The following PLG variants were observed in gnomAD, a reference collection of about 807,000 sequenced individuals.
PLG encodes plasminogen, also known as plasmin.
Under a neutral mutation model 104.4 loss-of-function variants are expected in PLG, and 41 were observed. The observed-to-expected ratio is 0.39, with a 90% CI of 0.31 to 0.51. PLG has a LOEUF of 0.51. Among genes scored for constraint, PLG ranks in the 20% least tolerant of loss-of-function variants. The pLI is 0.76. For synonymous variants in PLG, 337 were observed against 357.1 expected, an observed-to-expected ratio of 0.94 and a Z score of 0.63; for missense variants, 891 against 1,003.6, an observed-to-expected ratio of 0.89 and a Z score of 1.52.
chr6:160,721,022 T>C (rs992398721), intron 9 of PLG, among the ~76,000 whole-genome samples: 12 of 152,200 alleles, frequency 7.9e-5, no homozygotes, highest in Admixed American at 6.5e-4. Flanking sequence ...AGAGAATTCT[T>C]CATCTCTGAT....
At chr6:160,713,333 CA>C in intron 5 of PLG, 1 of 525,054 alleles carries the variant, frequency 1.9e-6, no homozygotes, top group Non-Finnish European at 3.5e-6. Flanking sequence ...TGCAACCGTG[CA>C]ATCTCGGCTC....
rs1028027373 is a variant in PLG, at chr6:160,737,703, G to A, written c.1802+696G>A. On this transcript the variant is annotated intron_variant, in intron 14 of 18. Coordinates refer to ENST00000308192, the MANE Select transcript of PLG (RefSeq NM_000301.5). The surrounding 1 kb of genome is among the most constrained non-coding windows in gnomAD (Gnocchi z 4.7). ...CCTCATCTCACTTCTACACGAGGGT[G>A]CCTGTGCTCAATTGCTGTTTTCCCC... 3.3e-5 allele frequency among the ~76,000 whole-genome samples: 5 copies of A among 152,264 alleles called. No individual in the cohort carries two copies. The highest frequency in any genetic ancestry group is 7.2e-5 in the African/African-American group (3 of 41,552).
At chr6:160,705,328 C>A (rs1414870155) in intron 1 of PLG, 1 of 150,014 alleles carries the variant, frequency 6.7e-6, no homozygotes, top group African/African-American at 2.5e-5. Context: ...AGCTGAGGCC[C>A]CCTTGGCCAC....
intron 9 of PLG, among the ~76,000 whole-genome samples, chr6:160,721,247 T>C (rs1777822779): frequency 6.6e-6 from 1 of 152,232 alleles, no homozygotes; most frequent in South Asian, 2.1e-4. Context: ...ACAGTGGCTT[T>C]TTGTTCCCCC....
rs148833378 is a variant in PLG, at chr6:160,726,885, A to G, written c.1257-4166A>G. 4.3e-4 allele frequency among the ~76,000 whole-genome samples: 66 copies of G among 152,154 alleles called. No homozygotes were observed. Among genetic ancestry groups the G allele is most frequent in the African/African-American group, 1.4e-3 (58 of 41,578 alleles). On this transcript the variant is annotated intron_variant, in intron 10 of 18. Transcript: ENST00000308192. This position sits in a 1 kb window ranked among gnomAD's most constrained non-coding sequence, Gnocchi z 4.4. ...ATAACTTAAACATCTAGAAAAGGAG[A>G]AGCAAATAAGATCCAAGGTAAGTGG...
At position 160,731,792 on chromosome 6, in the gene PLG, A is replaced by T; in HGVS notation, c.1486A>T (p.Thr496Ser). Reference sequence around the variant, plus strand: ...AGGATACCGAGGCAAGAGGGCGACCACTGTTACTGGGACGCCATGCCAGGA... The same window carrying T: ...AGGATACCGAGGCAAGAGGGCGACCTCTGTTACTGGGACGCCATGCCAGGA... ...GKGYRGKRAT[T>S]VTGTPCQDWA... The change falls in exon 12 of 19, where the codon ACT becomes TCT. Residue 496 changes from threonine to serine, a missense_variant. Thr to Ser is a moderately conservative substitution (Grantham distance 58, BLOSUM62 1). Around this residue, in one of 2 missense-constraint regions of PLG, gnomAD observed 854 missense variants for 932.1 expected, o/e 0.92. Transcript: ENST00000308192. This position sits in a 1 kb window ranked among gnomAD's most constrained non-coding sequence, Gnocchi z 5.1. The T allele has an allele frequency of 6.2e-7, 1 of 1,613,648 alleles. No individual in the cohort carries two copies. Among genetic ancestry groups the T allele is most frequent in the Non-Finnish European group, 8.5e-7 (1 of 1,179,542 alleles).
intron 17 of PLG, among the ~76,000 whole-genome samples, chr6:160,748,117 C>A (rs1163091764): frequency 6.6e-6 from 1 of 151,026 alleles, no homozygotes; most frequent in South Asian, 2.1e-4. Flanking sequence ...CGAGCCTGAC[C>A]AACACGGTGA....
At chr6:160,711,347 C>T in intron 4 of PLG, 156 bp downstream of exon 4, 1 of 740,314 alleles carries the variant, frequency 1.4e-6, no homozygotes, top group African/African-American at 1.8e-5. Flanking sequence ...ACCTACATAC[C>T]TTCTCTTGTA....
At position 160,716,810 on chromosome 6, in the gene PLG, T is replaced by C. The variant is rs768431397; in HGVS notation, c.787+47T>C. On this transcript the variant is annotated intron_variant, in intron 7 of 18. Transcript: ENST00000308192. The stretch of plus-strand genomic sequence containing the variant: ...ATTCCAGGATTTGGACCTGCCCTGT[T>C]CTTGAAATCAAAAGAAAACATGTGT... 2.2e-5 allele frequency: 25 copies of C among 1,136,960 alleles called. No homozygotes were observed. The African/African-American group carries it at 3.8e-4, about 17-fold the overall frequency. 70.4% of individuals were successfully genotyped at this position (1,136,960 alleles called of 1,614,324 possible).
chr6:160,709,180 A>AT (rs374731228), intron 3 of PLG, among the ~76,000 whole-genome samples: 1 of 152,106 alleles, frequency 6.6e-6, no homozygotes, highest in Non-Finnish European at 1.5e-5. Flanking sequence ...CAAAAAAAAA[A>AT]GAAGTGAAAA....
chr6:160,745,328 C>G (rs1778260575), intron 17 of PLG, among the ~76,000 whole-genome samples: 1 of 152,122 alleles, frequency 6.6e-6, no homozygotes, highest in Non-Finnish European at 1.5e-5. Context: ...AAGCTGGGTG[C>G]TCTTGTGTTG....
chr6:160,746,815 G>A (rs541317922), intron 17 of PLG, among the ~76,000 whole-genome samples: 1 of 152,270 alleles, frequency 6.6e-6, no homozygotes, highest in East Asian at 1.9e-4. Flanking sequence ...TTTATTTGTA[G>A]TTGATTTCTT....
rs891284898 is a variant in PLG, at chr6:160,740,474, C to T, written c.2019-837C>T. 3.9e-5 allele frequency among the ~76,000 whole-genome samples: 6 copies of T among 152,158 alleles called. No individual in the cohort carries two copies. Among genetic ancestry groups the T allele is most frequent in the Non-Finnish European group, 1.5e-5 (1 of 68,024 alleles). On this transcript the variant is annotated intron_variant, in intron 16 of 18. Transcript: ENST00000308192. The surrounding 1 kb of genome is among the most constrained non-coding windows in gnomAD (Gnocchi z 5.2). Reference sequence around the variant, plus strand: ...TTAGAGTTCCCACCCCACATCCCCACACCCCGAGTCTAGGGCATTTAGTGC... The same window carrying T: ...TTAGAGTTCCCACCCCACATCCCCATACCCCGAGTCTAGGGCATTTAGTGC...
At position 160,711,818 on chromosome 6, in the gene PLG, G is replaced by A. The variant is rs534167106; in HGVS notation, c.407+627G>A. On this transcript the variant is annotated intron_variant, in intron 4 of 18. Coordinates refer to ENST00000308192, the MANE Select transcript of PLG (RefSeq NM_000301.5). Reference sequence around the variant, plus strand: ...TATCAGGTTAGAACTCTCATCACATGTTCGACTCAAATTGTGGAGCAAAAG... The same window carrying A: ...TATCAGGTTAGAACTCTCATCACATATTCGACTCAAATTGTGGAGCAAAAG... 6 of 1,491,954 alleles carry A rather than the reference G, an allele frequency of 4.0e-6. No individual in the cohort carries two copies. In the East Asian group the frequency reaches 7.0e-5, roughly 17 times the overall value. The allele number at this position is 1,491,954 out of a possible 1,614,324, so 92.4% of individuals were successfully genotyped here.
chr6:160,746,310 G>A (rs1778277211), intron 17 of PLG, among the ~76,000 whole-genome samples: 1 of 152,104 alleles, frequency 6.6e-6, no homozygotes, highest in South Asian at 2.1e-4. Flanking sequence ...TTTCTTGGAG[G>A]CTTTGTTCAT....
chr6:160,713,479 G>A (rs563884203), intron 5 of PLG: 16 of 308,804 alleles, frequency 5.2e-5, no homozygotes, highest in African/African-American at 3.5e-4. Flanking sequence ...ACGTAGGTCA[G>A]GCTGGTCTTG....
At chr6:160,717,681 T>C (rs566141907) in intron 7 of PLG, among the ~76,000 whole-genome samples, 1 of 152,214 alleles carries the variant, frequency 6.6e-6, no homozygotes, top group East Asian at 1.9e-4. Context: ...TATGTGAGAA[T>C]TCGGGGTGTG....
At position 160,739,617 on chromosome 6, in the gene PLG, G is replaced by A. The variant is rs1393390644; in HGVS notation, c.2018+409G>A. On this transcript the variant is annotated intron_variant, in intron 16 of 18. Coordinates refer to ENST00000308192, the MANE Select transcript of PLG (RefSeq NM_000301.5). The surrounding 1 kb of genome is among the most constrained non-coding windows in gnomAD (Gnocchi z 4.4). ...ACTTTAAAAACCACAAGATCGAGTT[G>A]GGTGTCTGGTGTGGGTGCCTGTAAT... is the stretch of plus-strand genomic sequence containing the variant. 6.6e-6 allele frequency among the ~76,000 whole-genome samples: 1 copy of A among 151,688 alleles called. No homozygotes were observed. Among genetic ancestry groups the A allele is most frequent in the African/African-American group, 2.4e-5 (1 of 41,342 alleles).
At chr6:160,748,413 AAAGG>A (rs1778329036) in intron 17 of PLG, among the ~76,000 whole-genome samples, 5 of 73,092 alleles carry the variant, frequency 6.8e-5, no homozygotes, top group South Asian at 1.4e-3. Flanking sequence ...AGAAAGAAAG[AAAGG>A]GAAAGAAAGA....
Sources: gnomAD v4.1 joint callset for allele counts (sites outside exome capture counted in the v4.1 genomes callset) on GRCh38, gnomAD v4.1.1 for gene constraint, gnomAD v4.1.1 regional missense constraint, Gnocchi (gnomAD v3.1) non-coding constraint, MANE v1.5 for transcripts, NCBI Gene and HGNC (gene_info 2026-07-23, HGNC 2026-07-21) for gene names.